The following HHAT variants were observed in gnomAD, a reference collection of about 807,000 sequenced individuals.
HHAT encodes the protein protein-cysteine N-palmitoyltransferase HHAT.
HHAT carries 47 observed loss-of-function variants against 70.8 expected under a neutral mutation model. The ratio of observed to expected loss-of-function variants is 0.66; its 90% CI spans 0.53 to 0.85. The LOEUF (loss-of-function observed/expected upper bound fraction) is 0.85. Ranked by LOEUF, HHAT falls within the 40% of genes least tolerant of loss-of-function variation. The pLI is 0.00. For missense variants in HHAT, 609 were observed against 604.8 expected (o/e 1.01, Z -0.07); for synonymous variants, 228 against 247.6 (o/e 0.92, Z 0.74).
chr1:210,546,785 C>T (rs964692351), intron 9 of HHAT, among the ~76,000 whole-genome samples: 7 of 152,130 alleles, frequency 4.6e-5, no homozygotes, highest in African/African-American at 1.7e-4. Flanking sequence ...TGAAGCTTCA[C>T]TGTGAAAGTG....
At chr1:210,415,104 C>A (rs1057144610) in intron 6 of HHAT, among the ~76,000 whole-genome samples, 2 of 152,138 alleles carry the variant, frequency 1.3e-5, no homozygotes, top group Non-Finnish European at 2.9e-5. Context: ...GTATATCTTT[C>A]CAGCTTTGGA....
intron 11 of HHAT, among the ~76,000 whole-genome samples, chr1:210,647,803 T>C (rs997480451): frequency 6.6e-6 from 1 of 152,236 alleles, no homozygotes; most frequent in Non-Finnish European, 1.5e-5. Context: ...GCCAGTTTCC[T>C]TTAATCTGTG....
At chr1:210,357,621 A>G (rs1034160121) in intron 2 of HHAT, among the ~76,000 whole-genome samples, 6 of 152,172 alleles carry the variant, frequency 3.9e-5, no homozygotes, top group African/African-American at 1.4e-4. Context: ...GGAGATCAAG[A>G]CCATCCTGGC....
At chr1:210,437,397 A>G (rs535066365) in intron 7 of HHAT, among the ~76,000 whole-genome samples, 1 of 151,932 alleles carries the variant, frequency 6.6e-6, no homozygotes, top group Non-Finnish European at 1.5e-5. Context: ...TGGAAAGCAG[A>G]TTCACATCGA....
intron 9 of HHAT, among the ~76,000 whole-genome samples, chr1:210,545,708 A>T (rs541122465): frequency 6.6e-6 from 1 of 152,284 alleles, no homozygotes. Flanking sequence ...AAGTGCTGGG[A>T]TTACAGGTGT....
intron 7 of HHAT, among the ~76,000 whole-genome samples, chr1:210,437,664 T>C (rs10746424): frequency 0.58 from 88,245 of 151,570 alleles, 26,180 homozygotes; most frequent in Admixed American, 0.67. Flanking sequence ...CAGGCCATGC[T>C]ACCTTGTTAT....
chr1:210,469,561 G>A (rs193023058), intron 8 of HHAT, among the ~76,000 whole-genome samples: 2 of 152,258 alleles, frequency 1.3e-5, no homozygotes, highest in Admixed American at 6.5e-5. Flanking sequence ...TACACGGCAG[G>A]CATGCTGCAG....
chr1:210,516,736 A>G (rs1016136395), intron 9 of HHAT, among the ~76,000 whole-genome samples: 2 of 142,066 alleles, frequency 1.4e-5, no homozygotes, highest in African/African-American at 5.1e-5. Flanking sequence ...AGTGTTTGGC[A>G]TAAAAAAAAA....
At chr1:210,499,645 A>C (rs1320605893) in intron 8 of HHAT, among the ~76,000 whole-genome samples, 12 of 6,900 alleles carry the variant, frequency 1.7e-3, no homozygotes, top group Non-Finnish European at 1.0e-2. Flanking sequence ...TTTCTCTCTC[A>C]AAAAAAAAAA....
At chr1:210,507,783 G>A (rs1372158086) in intron 8 of HHAT, among the ~76,000 whole-genome samples, 2 of 152,102 alleles carry the variant, frequency 1.3e-5, no homozygotes, top group African/African-American at 4.8e-5. Context: ...ATGGTAAAGA[G>A]GAAATCCATA....
intron 1 of HHAT, among the ~76,000 whole-genome samples, chr1:210,337,363 A>T (rs2147925886): frequency 6.6e-6 from 1 of 152,286 alleles, no homozygotes; most frequent in East Asian, 1.9e-4. Context: ...GAGGGCAGGG[A>T]TGGCATATGA....
intron 10 of HHAT, among the ~76,000 whole-genome samples, chr1:210,593,764 GTGT>G (rs1662297939): frequency 6.6e-6 from 1 of 152,106 alleles, no homozygotes; most frequent in Admixed American, 6.6e-5. Flanking sequence ...TGAAAGTAGG[GTGT>G]GTAATTTCTT....
intron 9 of HHAT, among the ~76,000 whole-genome samples, chr1:210,578,722 A>C (rs779280867): frequency 1.3e-5 from 2 of 152,246 alleles, no homozygotes; most frequent in Non-Finnish European, 2.9e-5. Flanking sequence ...AGCCTGTAAC[A>C]GAAGGACAAA....
intron 11 of HHAT, among the ~76,000 whole-genome samples, chr1:210,625,178 G>A (rs866977944): frequency 6.6e-6 from 1 of 152,136 alleles, no homozygotes; most frequent in African/African-American, 2.4e-5. Flanking sequence ...AAAAGACCAC[G>A]TACTTTCTAA....
intron 9 of HHAT, among the ~76,000 whole-genome samples, chr1:210,583,147 C>T (rs972321630): frequency 6.6e-6 from 1 of 152,146 alleles, no homozygotes; most frequent in Non-Finnish European, 1.5e-5. Flanking sequence ...GCATAAAGCA[C>T]CTGGTGCATG....
intron 11 of HHAT, among the ~76,000 whole-genome samples, chr1:210,651,266 A>G (rs955403491): frequency 2.6e-4 from 40 of 152,344 alleles, no homozygotes; most frequent in Middle Eastern, 3.4e-3. Context: ...GTTGGGAGTT[A>G]GATGGCATAT....
intron 1 of HHAT, among the ~76,000 whole-genome samples, chr1:210,339,836 G>A (rs965693097): frequency 6.6e-6 from 1 of 152,170 alleles, no homozygotes; most frequent in African/African-American, 2.4e-5. Flanking sequence ...TTCTTATGCA[G>A]CAATACATAA....
At chr1:210,433,928 G>A (rs555257347) in intron 7 of HHAT, among the ~76,000 whole-genome samples, 1 of 152,026 alleles carries the variant, frequency 6.6e-6, no homozygotes, top group East Asian at 1.9e-4. Flanking sequence ...AGTCTACATG[G>A]GGTTACCTCT....
intron 7 of HHAT, among the ~76,000 whole-genome samples, chr1:210,434,080 T>C (rs1480655039): frequency 6.6e-6 from 1 of 151,896 alleles, no homozygotes; most frequent in East Asian, 1.9e-4. Context: ...AATGAGGAAG[T>C]AAACAAGTGT....
Sources: allele counts gnomAD v4.1 joint callset (sites outside exome capture counted in the v4.1 genomes callset), GRCh38; gene constraint gnomAD v4.1.1; transcripts MANE v1.5; gene names NCBI Gene and HGNC (gene_info 2026-07-23, HGNC 2026-07-21).